The following TET1 variants were observed in gnomAD, a reference collection of about 807,000 sequenced individuals.
The protein encoded by TET1 is tet methylcytosine dioxygenase 1.
In TET1, 13 loss-of-function variants were observed where a neutral mutation model predicts 148.7. The observed-to-expected ratio is 0.09, with a 90% CI of 0.06 to 0.14. The LOEUF is 0.14. Among genes scored for constraint, TET1 ranks in the 10% least tolerant of loss-of-function variants. The pLI is 1.00. For missense variants in TET1, 2,182 were observed against 2,553.8 expected (o/e 0.85, Z 3.14); for synonymous variants, 907 against 937.2 (o/e 0.97, Z 0.59).
intron 3 of TET1, among the ~76,000 whole-genome samples, chr10:68,626,620 A>G (rs1264747024): frequency 6.6e-6 from 1 of 151,790 alleles, no homozygotes; most frequent in Non-Finnish European, 1.5e-5. Context: ...GCATGATCTC[A>G]GCTCACTGCA....
intron 2 of TET1, among the ~76,000 whole-genome samples, chr10:68,584,323 T>C (rs1326155723): frequency 6.7e-6 from 1 of 150,374 alleles, no homozygotes; most frequent in Non-Finnish European, 1.5e-5. Context: ...ATTACAGGAG[T>C]GAGCCACTGC....
At chr10:68,674,383 A>G (rs756303775) in intron 8 of TET1, 35 of 257,650 alleles carry the variant, frequency 1.4e-4, no homozygotes, top group Non-Finnish European at 2.2e-4. Flanking sequence ...AAAGTGCTTG[A>G]TCCATTTTCT....
chr10:68,666,684 A>G (rs1046214043), intron 6 of TET1, among the ~76,000 whole-genome samples: 15 of 152,176 alleles, frequency 9.9e-5, no homozygotes, highest in Admixed American at 7.9e-4. Context: ...GTTGTTTGTT[A>G]GTCATATAGG....
chr10:68,686,758 T>TCAAA, intron 11 of TET1, 51 bp downstream of exon 11: 1 of 1,500,340 alleles, frequency 6.7e-7, no homozygotes, highest in South Asian at 1.3e-5. Context: ...TGGATAGATG[T>TCAAA]GTTTGGACTT....
intron 10 of TET1, among the ~76,000 whole-genome samples, chr10:68,684,690 T>C (rs2055486070): frequency 6.6e-6 from 1 of 152,182 alleles, no homozygotes; most frequent in African/African-American, 2.4e-5. Context: ...TCCCCCATCT[T>C]CAAACATGTG....
At chr10:68,636,979 CGTTGTGT>C (rs11277511) in intron 3 of TET1, among the ~76,000 whole-genome samples, 25,608 of 114,916 alleles carry the variant, frequency 0.22, 2,289 homozygotes, top group South Asian at 0.3. Flanking sequence ...TTATTTTACT[CGTTGTGT>C]GTGTGTGTGT....
chr10:68,653,851 A>G (rs532237800), intron 6 of TET1, among the ~76,000 whole-genome samples: 1 of 152,256 alleles, frequency 6.6e-6, no homozygotes, highest in Admixed American at 6.5e-5. Context: ...TCACGCCTGT[A>G]ATCCTAACAC....
chr10:68,580,104 T>G (rs994393416), intron 2 of TET1, among the ~76,000 whole-genome samples: 20 of 151,504 alleles, frequency 1.3e-4, no homozygotes, highest in African/African-American at 4.8e-4. Context: ...AATTTTGTAT[T>G]TTTAATAGAG....
rs561686762 is a variant in TET1, at chr10:68,635,035, C to T, written c.1969-9663C>T. On this transcript the variant is annotated intron_variant, in intron 3 of 11. Coordinates refer to ENST00000373644, the MANE Select transcript of TET1 (RefSeq NM_030625.3). ...GTCTCAAACACCTGACCTCGTGATC[C>T]GCCCACCTCAGCCTCCCAAAGTGCT... 1.6e-3 allele frequency among the ~76,000 whole-genome samples: 240 copies of T among 151,410 alleles called. 1 individual carries two copies. The highest frequency in any genetic ancestry group is 3.0e-3 in the Non-Finnish European group (202 of 67,874).
At chr10:68,603,233 AG>A (rs1458089454) in intron 3 of TET1, among the ~76,000 whole-genome samples, 1 of 152,174 alleles carries the variant, frequency 6.6e-6, no homozygotes, top group East Asian at 1.9e-4. Context: ...TTATCCTTTT[AG>A]ATGTTGAAAT....
At chr10:68,627,956 G>C (rs2054511391) in intron 3 of TET1, among the ~76,000 whole-genome samples, 3 of 151,800 alleles carry the variant, frequency 2.0e-5, no homozygotes, top group Admixed American at 2.0e-4. Flanking sequence ...AAGAAAGAAA[G>C]CACTGCCGTG....
At chr10:68,652,470 G>A in intron 5 of TET1, 31 bp from the exon 6 acceptor site, 1 of 1,511,554 alleles carries the variant, frequency 6.6e-7, no homozygotes, top group Non-Finnish European at 9.1e-7. Flanking sequence ...CAATTAATTA[G>A]TACATTCCCT....
At chr10:68,680,659 A>G (rs2055423981) in intron 8 of TET1, among the ~76,000 whole-genome samples, 1 of 152,310 alleles carries the variant, frequency 6.6e-6, no homozygotes, top group East Asian at 1.9e-4. Context: ...GACTCATGTG[A>G]TAGTTTTCCT....
chr10:68,573,108 C>A lies in TET1; in HGVS notation c.770C>A (p.Thr257Asn). 1 of 1,614,116 alleles carries A rather than the reference C, an allele frequency of 6.2e-7. No individual in the cohort carries two copies. Among genetic ancestry groups the A allele is most frequent in the Non-Finnish European group, 8.5e-7 (1 of 1,180,006 alleles). The change falls in exon 2 of 12, where the codon ACC (threonine) becomes AAC (asparagine). Residue 257 changes from threonine to asparagine, a missense_variant. By Grantham distance (65) the Thr-to-Asn change is moderately conservative. Transcript: ENST00000373644. ...TVCAPFPQRATPKVTSQGNPS... is the reference protein window; with the variant it reads ...TVCAPFPQRANPKVTSQGNPS... ...TGTGCTCCTTTTCCCCAAAGAGCAA[C>A]CCCCAAAGTTACCTCTCAAGGAAAC...
chr10:68,608,231 A>G (rs1006416543), intron 3 of TET1, among the ~76,000 whole-genome samples: 3 of 135,498 alleles, frequency 2.2e-5, no homozygotes, highest in African/African-American at 5.6e-5. Context: ...CCCAGCCGAC[A>G]ATGTCCTATT....
chr10:68,638,765 T>TTGTGTGTGTGTGTG (rs59106736), intron 3 of TET1, among the ~76,000 whole-genome samples: 8 of 140,824 alleles, frequency 5.7e-5, no homozygotes, highest in Non-Finnish European at 1.1e-4. Flanking sequence ...TGTATGGAGT[T>TTGTGTGTGTGTGTG]TGTGTGTGTG....
In TET1 at chr10:68,691,948, TAAC is replaced by T; in HGVS notation, c.*137_*139del. On this transcript the variant is annotated 3_prime_UTR_variant, in exon 12 of 12. Transcript: ENST00000373644. This position sits in a 1 kb window ranked among gnomAD's most constrained non-coding sequence, Gnocchi z 4.4. ...GTCTGAGGTAAAAAAATAATAATGA[TAAC>T]AAAACGGGGTGGGTATTCTTAACTG... is the stretch of plus-strand genomic sequence containing the variant. 1.8e-6 allele frequency: 2 copies of T among 1,092,104 alleles called. No individual in the cohort carries two copies. Among genetic ancestry groups the T allele is most frequent in the Non-Finnish European group, 2.6e-6 (2 of 776,170 alleles). The allele number at this position is 1,092,104 out of a possible 1,614,324, so 67.7% of individuals were successfully genotyped here. A position where few individuals can be genotyped will look rare whatever the true frequency, so the allele number is the denominator to read the frequency against.
chr10:68,629,688 C>A (rs1029584904), intron 3 of TET1, among the ~76,000 whole-genome samples: 2 of 151,846 alleles, frequency 1.3e-5, no homozygotes, highest in Non-Finnish European at 2.9e-5. Context: ...CAGGTGCCTG[C>A]CACCACACCC....
In TET1 at chr10:68,573,520, T is replaced by G; in HGVS notation, c.1182T>G (p.Asp394Glu). The G allele has an allele frequency of 6.2e-7, 1 of 1,614,220 alleles. No homozygotes were observed. Among genetic ancestry groups the G allele is most frequent in the African/African-American group, 1.3e-5 (1 of 75,060 alleles). ...GTGAGGCCCTGGGTGAGACCCCAGATCTACCAGAGATTCCTGGTGCTATTC... is the reference window on the plus strand; with the variant it reads ...GTGAGGCCCTGGGTGAGACCCCAGAGCTACCAGAGATTCCTGGTGCTATTC... ...VHGEALGETPDLPEIPGAIPV... is the reference protein window; with the variant it reads ...VHGEALGETPELPEIPGAIPV... Residue 394 changes from aspartate (D) to glutamate (E), a missense_variant, in exon 2 of 12, where the codon GAT becomes GAG. Coordinates refer to ENST00000373644, the MANE Select transcript of TET1 (RefSeq NM_030625.3).
Sources: allele counts gnomAD v4.1 joint callset (sites outside exome capture counted in the v4.1 genomes callset), GRCh38; gene constraint gnomAD v4.1.1; non-coding constraint Gnocchi (gnomAD v3.1); transcripts MANE v1.5; gene names NCBI Gene and HGNC (gene_info 2026-07-23, HGNC 2026-07-21).